The following BMPER variants were observed in gnomAD, a reference collection of about 807,000 sequenced individuals.
BMPER encodes BMP-binding endothelial regulator protein.
Under a neutral mutation model 87.3 loss-of-function variants are expected in BMPER, and 45 were observed. That is an observed-to-expected ratio of 0.52 (90% confidence interval 0.41 to 0.66). The LOEUF is 0.66. Among genes scored for constraint, BMPER ranks in the 30% least tolerant of loss-of-function variants. The pLI, the probability that BMPER is intolerant of heterozygous loss-of-function variation, is 0.00. For missense variants in BMPER, 784 were observed against 867.5 expected (o/e 0.90, Z 1.21); for synonymous variants, 326 against 316.2 (o/e 1.03, Z -0.33).
At chr7:34,063,966 C>G (rs911654365) in intron 11 of BMPER, among the ~76,000 whole-genome samples, 1 of 152,204 alleles carries the variant, frequency 6.6e-6, no homozygotes, top group African/African-American at 2.4e-5. Flanking sequence ...TGTTGTCAGG[C>G]AGGATCACTG....
chr7:33,964,476 T>C, intron 3 of BMPER, among the ~76,000 whole-genome samples: 1 of 152,214 alleles, frequency 6.6e-6, no homozygotes, highest in East Asian at 1.9e-4. Context: ...CTTCGTCCAA[T>C]TTTCCAGTAT....
At chr7:34,024,401 A>AC (rs1562695282) in intron 6 of BMPER, among the ~76,000 whole-genome samples, 2 of 29,646 alleles carry the variant, frequency 6.7e-5, no homozygotes, top group African/African-American at 3.4e-4. Context: ...ATATATATAT[A>AC]TATATATATA....
intron 2 of BMPER, among the ~76,000 whole-genome samples, chr7:33,936,525 T>C (rs1035883599): frequency 6.6e-6 from 1 of 152,202 alleles, no homozygotes; most frequent in Admixed American, 6.5e-5. Flanking sequence ...GCTTGATAAA[T>C]CTCACATTTT....
At chr7:34,122,704 C>G (rs987484648) in intron 13 of BMPER, among the ~76,000 whole-genome samples, 1 of 152,150 alleles carries the variant, frequency 6.6e-6, no homozygotes, top group Non-Finnish European at 1.5e-5. Flanking sequence ...AAAGGACAAT[C>G]GTGAGTCAAA....
intron 13 of BMPER, among the ~76,000 whole-genome samples, chr7:34,098,777 A>G (rs1185430859): frequency 6.6e-6 from 1 of 152,180 alleles, no homozygotes; most frequent in Non-Finnish European, 1.5e-5. Context: ...AAAGCCAGGG[A>G]GGAAGGATAT....
rs1408398668 is a variant in BMPER, at chr7:34,153,538, T to C, written c.*265T>C. 1.2e-5 allele frequency: 5 copies of C among 409,922 alleles called. No homozygotes were observed. Among genetic ancestry groups the C allele is most frequent in the Non-Finnish European group, 2.2e-5 (5 of 224,224 alleles). The allele number at this position is 409,922 out of a possible 1,614,324, so 25.4% of individuals were successfully genotyped here. On this transcript the variant is annotated 3_prime_UTR_variant, in exon 15 of 15. Coordinates refer to ENST00000649409, the MANE Select transcript of BMPER (RefSeq NM_001365308.1). ...TAAGCCATTGAACATGTTGTATAAA[T>C]ACACCAGGTGTTTTTAATTTAATAA...
rs952036853 is a variant in BMPER, at chr7:33,906,875, A to G, written c.191A>G (p.Asp64Gly). The G allele has an allele frequency of 5.6e-6, 9 of 1,613,850 alleles. No homozygotes were observed. Among genetic ancestry groups the G allele is most frequent in the East Asian group, 4.5e-5 (2 of 44,842 alleles). The change falls in exon 2 of 15, where the codon GAC (aspartate) becomes GGC (glycine). Residue 64 changes from aspartate (D) to glycine (G), a missense_variant. Coordinates refer to ENST00000649409, the MANE Select transcript of BMPER (RefSeq NM_001365308.1). ...GTCCTCCAGATTCCATTTATCACAG[A>G]CAACCCTTGCATAATGTGTGTCTGC... Reference protein sequence around the residue: ...GEVLQIPFITDNPCIMCVCLN... With the variant: ...GEVLQIPFITGNPCIMCVCLN...
At chr7:34,130,711 G>A (rs1251810465) in intron 13 of BMPER, among the ~76,000 whole-genome samples, 4 of 152,186 alleles carry the variant, frequency 2.6e-5, no homozygotes, top group African/African-American at 9.7e-5. Context: ...GTGTGATAAG[G>A]GCCATGCAAG....
chr7:34,129,648 G>GAAAGAAAGAA (rs1790524015), intron 13 of BMPER, among the ~76,000 whole-genome samples: 1 of 150,000 alleles, frequency 6.7e-6, no homozygotes, highest in African/African-American at 2.5e-5. Context: ...AAGAAAGAAA[G>GAAAGAAAGAA]AAAGAAAGAA....
At chr7:34,125,826 T>C (rs762702301) in intron 13 of BMPER, among the ~76,000 whole-genome samples, 4 of 152,234 alleles carry the variant, frequency 2.6e-5, no homozygotes, top group African/African-American at 4.8e-5. Flanking sequence ...GCATTATATT[T>C]AGATACAATG....
At chr7:33,911,780 T>A (rs1783968093) in intron 2 of BMPER, among the ~76,000 whole-genome samples, 1 of 152,186 alleles carries the variant, frequency 6.6e-6, no homozygotes, top group Non-Finnish European at 1.5e-5. Flanking sequence ...CACATAAAGT[T>A]TGGCCTGGGG....
chr7:34,143,298 A>G lies in BMPER; in HGVS notation c.1814A>G (p.Tyr605Cys), dbSNP rs1208124293. Residue 605 changes from tyrosine to cysteine, a missense_variant, in exon 14 of 15, where the codon TAT (tyrosine) becomes TGT (cysteine). By Grantham distance (194) the Tyr-to-Cys change is radical. Transcript: ENST00000649409. ...TGTTATTGCGAGTCATTTTTGGCAT[A>G]TACCCGGGCCTGCCAGAGAGAGGGC... ...KNCYCESFLAYTRACQREGIK... is the reference protein window; with the variant it reads ...KNCYCESFLACTRACQREGIK... 2 of 1,614,096 alleles carry G rather than the reference A, an allele frequency of 1.2e-6. No individual in the cohort carries two copies. Among genetic ancestry groups the G allele is most frequent in the Non-Finnish European group, 1.7e-6 (2 of 1,179,980 alleles).
chr7:33,957,678 A>AGTT (rs1785181077), intron 3 of BMPER, among the ~76,000 whole-genome samples: 1 of 152,184 alleles, frequency 6.6e-6, no homozygotes, highest in Non-Finnish European at 1.5e-5. Flanking sequence ...GCTGTCCTGT[A>AGTT]GTTATACAAG....
chr7:33,913,519 A>C (rs1448438281), intron 2 of BMPER, among the ~76,000 whole-genome samples: 24 of 152,162 alleles, frequency 1.6e-4, no homozygotes, highest in Non-Finnish European at 7.3e-5. Context: ...AGCAGCCTGG[A>C]GTAGGGGTGG....
At chr7:33,989,064 C>G (rs113911464) in intron 6 of BMPER, among the ~76,000 whole-genome samples, 3,550 of 132,322 alleles carry the variant, frequency 0.027, 61 homozygotes, top group Non-Finnish European at 0.041. Flanking sequence ...TGAATAATGC[C>G]GCAATAAACA....
chr7:34,127,802 G>A (rs563177942), intron 13 of BMPER, among the ~76,000 whole-genome samples: 48 of 152,130 alleles, frequency 3.2e-4, no homozygotes, highest in African/African-American at 1.1e-3. Context: ...AATTTCTACT[G>A]GTGTTCCCGC....
chr7:34,004,184 C>A (rs1209373213), intron 6 of BMPER, among the ~76,000 whole-genome samples: 2 of 152,098 alleles, frequency 1.3e-5, no homozygotes, highest in South Asian at 4.1e-4. Context: ...TGCTGTTGAA[C>A]TCCTGCAGGA....
intron 12 of BMPER, 74 bp from the exon 13 acceptor site, chr7:34,085,682 A>T: frequency 7.5e-7 from 1 of 1,340,086 alleles, no homozygotes; most frequent in Non-Finnish European, 1.1e-6. Context: ...TGTTCTGTGT[A>T]AGGATGTATA....
chr7:33,997,740 C>T (rs560873486), intron 6 of BMPER, among the ~76,000 whole-genome samples: 1 of 152,292 alleles, frequency 6.6e-6, no homozygotes, highest in South Asian at 2.1e-4. Context: ...GACACGTTCT[C>T]ACCTCAGTTC....
Sources: gnomAD v4.1 joint callset for allele counts (sites outside exome capture counted in the v4.1 genomes callset) on GRCh38, gnomAD v4.1.1 for gene constraint, MANE v1.5 for transcripts, NCBI Gene and HGNC (gene_info 2026-07-23, HGNC 2026-07-21) for gene names.